CNTN3: variants seen among roughly 807,000 people sequenced by gnomAD.
CNTN3 encodes the protein contactin-3.
In CNTN3, 60 loss-of-function variants were observed where a neutral mutation model predicts 119.1. The ratio of observed to expected loss-of-function variants is 0.50; its 90% CI spans 0.41 to 0.62. The LOEUF (loss-of-function observed/expected upper bound fraction) is 0.62. CNTN3 is among the 20% of genes least tolerant of loss of function. The pLI, the probability that CNTN3 is intolerant of heterozygous loss-of-function variation, is 0.00. For missense variants in CNTN3, 1,101 were observed against 1,242.4 expected, an observed-to-expected ratio of 0.89 and a Z score of 1.71; for synonymous variants, 450 against 438.7, an observed-to-expected ratio of 1.03 and a Z score of -0.32.
At chr3:74,344,397 G>GTTTTTTTTTTTTTTTTTTTTTTTTTTTT (rs1156579949) in intron 11 of CNTN3, among the ~76,000 whole-genome samples, 1 of 32,628 alleles carries the variant, frequency 3.1e-5, no homozygotes, top group Non-Finnish European at 7.2e-5. Context: ...TTACACAGTG[G>GTTTTTTTTTTTTTTTTTTTTTTTTTTTT]TTTTTTTTTT....
rs1702867275 is a variant in CNTN3 at position 74,486,752 on chromosome 3, C to G, written c.183-121G>C. On this transcript the variant is annotated intron_variant, in intron 3 of 22. Transcript: ENST00000263665. ...AGTAAAAAGTGATACATATATTATT[C>G]AAGTGTTACATAACTGAAGATCAAA... 6.5e-6 allele frequency: 5 copies of G among 772,144 alleles called. No homozygotes were observed. The South Asian group carries it at 1.2e-4, about 19-fold the overall frequency. 47.8% of individuals were successfully genotyped at this position (772,144 alleles called of 1,614,324 possible).
intron 3 of CNTN3, among the ~76,000 whole-genome samples, chr3:74,490,707 G>T (rs1702947093): frequency 2.0e-5 from 3 of 152,084 alleles, no homozygotes; most frequent in Admixed American, 2.0e-4. Flanking sequence ...ACTTCCTTTA[G>T]TTCGGTCTTC....
chr3:74,491,056 G>T (rs555958212), intron 3 of CNTN3, among the ~76,000 whole-genome samples: 1 of 152,242 alleles, frequency 6.6e-6, no homozygotes, highest in South Asian at 2.1e-4. Flanking sequence ...TTTAAACTCT[G>T]AAATGTGCAA....
rs147363562 is a variant in CNTN3, at chr3:74,384,287, G to A, written c.455-12888C>T. Among the ~76,000 whole-genome samples the A allele has an allele frequency of 5.8e-3, 888 of 152,250 alleles. 3 individuals carry two copies. The highest frequency in any genetic ancestry group is 0.02 in the African/African-American group (839 of 41,550). ...GGCAACCACCTGCTCCCTCTTCCACGCATTCTTGTATAAAGCAATTCTAAT... is the reference window on the plus strand; with the variant it reads ...GGCAACCACCTGCTCCCTCTTCCACACATTCTTGTATAAAGCAATTCTAAT... On this transcript the variant is annotated intron_variant, in intron 5 of 22. Transcript: ENST00000263665.
intron 4 of CNTN3, among the ~76,000 whole-genome samples, chr3:74,450,390 C>T (rs1423951296): frequency 6.6e-6 from 1 of 151,744 alleles, no homozygotes; most frequent in Non-Finnish European, 1.5e-5. Flanking sequence ...TTCTATGACT[C>T]TCCCTATAAA....
At chr3:74,527,774 G>A (rs78420068) in intron 1 of CNTN3, among the ~76,000 whole-genome samples, 5,645 of 151,914 alleles carry the variant, frequency 0.037, 139 homozygotes, top group South Asian at 0.069. Context: ...AAGCCTCTCC[G>A]CAATTATGGA....
intron 4 of CNTN3, among the ~76,000 whole-genome samples, chr3:74,473,161 T>C (rs1702595681): frequency 6.6e-6 from 1 of 150,958 alleles, no homozygotes; most frequent in Admixed American, 6.6e-5. Flanking sequence ...TATAAAAAGA[T>C]TGCAAAATAA....
At chr3:74,297,695 A>G (rs979584362) in intron 18 of CNTN3, among the ~76,000 whole-genome samples, 1 of 152,164 alleles carries the variant, frequency 6.6e-6, no homozygotes, top group Non-Finnish European at 1.5e-5. Context: ...TTTCAGCTTA[A>G]TTTCTTCCTT....
chr3:74,477,045 C>A (rs1702667996), intron 4 of CNTN3, among the ~76,000 whole-genome samples: 1 of 152,090 alleles, frequency 6.6e-6, no homozygotes, highest in Admixed American at 6.6e-5. Context: ...TGGGAATTTT[C>A]CAGAGTTTCC....
chr3:74,599,364 T>C (rs537328225), intron 1 of CNTN3, among the ~76,000 whole-genome samples: 1 of 152,224 alleles, frequency 6.6e-6, no homozygotes, highest in Admixed American at 6.5e-5. Context: ...TGCCATTTAA[T>C]CTGAAACTTG....
At chr3:74,539,807 C>A (rs1370951769) in intron 1 of CNTN3, among the ~76,000 whole-genome samples, 1 of 152,144 alleles carries the variant, frequency 6.6e-6, no homozygotes, top group Non-Finnish European at 1.5e-5. Flanking sequence ...AAAGAATGTG[C>A]AGTTACAATG....
chr3:74,323,992 C>T (rs1466895712), intron 13 of CNTN3, among the ~76,000 whole-genome samples: 1 of 151,940 alleles, frequency 6.6e-6, no homozygotes, highest in Non-Finnish European at 1.5e-5. Context: ...TACTGACTCT[C>T]TTAGAACTTT....
chr3:74,428,193 A>G (rs919911397), intron 4 of CNTN3, among the ~76,000 whole-genome samples: 19 of 152,254 alleles, frequency 1.2e-4, no homozygotes, highest in African/African-American at 4.1e-4. Flanking sequence ...ATGATACTAA[A>G]TAACTGTTAC....
intron 17 of CNTN3, among the ~76,000 whole-genome samples, chr3:74,298,689 G>C (rs1702391281): frequency 6.6e-6 from 1 of 151,790 alleles, no homozygotes; most frequent in African/African-American, 2.4e-5. Flanking sequence ...ACGAGGTCAG[G>C]AGTTTGAGAC....
intron 3 of CNTN3, 112 bp downstream of exon 3, chr3:74,499,546 AC>A (rs1703126381): frequency 1.1e-6 from 1 of 888,516 alleles, no homozygotes; most frequent in Non-Finnish European, 1.7e-6. Context: ...CTATAGCTTC[AC>A]GTATTTTTTT....
chr3:74,427,279 A>C lies in CNTN3; in HGVS notation c.359-2339T>G, dbSNP rs144327906. Among the ~76,000 whole-genome samples the C allele has an allele frequency of 2.4e-3, 369 of 152,300 alleles. 2 individuals carry two copies. Among genetic ancestry groups the C allele is most frequent in the African/African-American group, 8.2e-3 (340 of 41,572 alleles). Reference sequence around the variant, plus strand: ...AGGTGGTAAGTACACAGAGGACTGCATAGTTAATCTACAGGTGTAACCAAG... The same window carrying C: ...AGGTGGTAAGTACACAGAGGACTGCCTAGTTAATCTACAGGTGTAACCAAG... On this transcript the variant is annotated intron_variant, in intron 4 of 22. Coordinates refer to ENST00000263665, the MANE Select transcript of CNTN3 (RefSeq NM_020872.3).
In CNTN3 at chr3:74,438,429, A is replaced by G. The variant is rs761479129; in HGVS notation, c.359-13489T>C. 1.3e-3 allele frequency among the ~76,000 whole-genome samples: 192 copies of G among 152,230 alleles called. 1 individual carries two copies. The highest frequency in any genetic ancestry group is 4.1e-4 in the Non-Finnish European group (28 of 68,028). On this transcript the variant is annotated intron_variant, in intron 4 of 22. Coordinates refer to ENST00000263665, the MANE Select transcript of CNTN3 (RefSeq NM_020872.3). ...GTTTTTGGAATACGGTAGGTGCTCAATAAGTGTTAGCATGTTGCTCCCTTT... is the reference window on the plus strand; with the variant it reads ...GTTTTTGGAATACGGTAGGTGCTCAGTAAGTGTTAGCATGTTGCTCCCTTT...
At chr3:74,320,685 A>G (rs1702965049) in intron 13 of CNTN3, among the ~76,000 whole-genome samples, 1 of 152,174 alleles carries the variant, frequency 6.6e-6, no homozygotes, top group Non-Finnish European at 1.5e-5. Context: ...AACAACAACA[A>G]CAAAAAATTC....
At chr3:74,331,325 T>C (rs2106700255) in intron 13 of CNTN3, among the ~76,000 whole-genome samples, 1 of 152,320 alleles carries the variant, frequency 6.6e-6, no homozygotes, top group South Asian at 2.1e-4. Context: ...TGGCATGTTG[T>C]GCAAGTTTGC....
Sources: allele counts gnomAD v4.1 joint callset (sites outside exome capture counted in the v4.1 genomes callset), GRCh38; gene constraint gnomAD v4.1.1; transcripts MANE v1.5; gene names NCBI Gene and HGNC (gene_info 2026-07-23, HGNC 2026-07-21).